TTBK2: variants seen among roughly 807,000 people sequenced by gnomAD.
The protein encoded by TTBK2 is tau-tubulin kinase 2.
In TTBK2, 28 loss-of-function variants were observed where a neutral mutation model predicts 110.8. That is an observed-to-expected ratio of 0.25 (90% confidence interval 0.19 to 0.35). The LOEUF is 0.35. TTBK2 is among the 10% of genes least tolerant of loss of function. The pLI is 1.00. For missense variants in TTBK2, 1,369 were observed against 1,500.3 expected (o/e 0.91, Z 1.45); for synonymous variants, 532 against 527.3 (o/e 1.01, Z -0.12).
intron 3 of TTBK2, among the ~76,000 whole-genome samples, chr15:42,851,931 C>T (rs1418265422): frequency 2.0e-5 from 3 of 151,946 alleles, no homozygotes; most frequent in Admixed American, 6.6e-5. Flanking sequence ...GGTTTATGCA[C>T]GAACTGGATA....
chr15:42,815,913 AATATATATATATTTAAAAAT>A (rs1891934968), intron 7 of TTBK2, among the ~76,000 whole-genome samples: 1 of 100,808 alleles, frequency 9.9e-6, no homozygotes, highest in Non-Finnish European at 1.7e-5. Context: ...TATATTTAAA[AATATATATATATTTAAAAAT>A]ATATATATAT....
intron 1 of TTBK2, among the ~76,000 whole-genome samples, chr15:42,906,334 G>A (rs2030396177): frequency 1.3e-5 from 2 of 152,156 alleles, no homozygotes; most frequent in African/African-American, 4.8e-5. Context: ...TTTGCACGGA[G>A]GCCCAGAATT....
chr15:42,789,383 A>ATGG (rs1468563639), intron 10 of TTBK2, among the ~76,000 whole-genome samples: 2 of 152,054 alleles, frequency 1.3e-5, no homozygotes, highest in Non-Finnish European at 2.9e-5. Context: ...TATTTCACTA[A>ATGG]GCATGTCTTT....
chr15:42,785,344 C>A (rs2140820722), intron 10 of TTBK2, among the ~76,000 whole-genome samples: 1 of 152,262 alleles, frequency 6.6e-6, no homozygotes, highest in South Asian at 2.1e-4. Flanking sequence ...TGGTCTCGAA[C>A]TCCTGGCCCC....
intron 2 of TTBK2, among the ~76,000 whole-genome samples, chr15:42,873,479 C>T (rs1018470568): frequency 6.6e-6 from 1 of 151,956 alleles, no homozygotes; most frequent in African/African-American, 2.4e-5. Context: ...CCAGCCCTCT[C>T]ACCACCACTT....
intron 1 of TTBK2, among the ~76,000 whole-genome samples, chr15:42,890,380 T>C (rs1002190281): frequency 2.0e-5 from 3 of 152,152 alleles, no homozygotes; most frequent in Admixed American, 2.0e-4. Flanking sequence ...GTTGTGAGGG[T>C]AGTGTATCCT....
At chr15:42,765,841 G>A (rs1889340877) in intron 13 of TTBK2, among the ~76,000 whole-genome samples, 1 of 152,128 alleles carries the variant, frequency 6.6e-6, no homozygotes, top group Admixed American at 6.5e-5. Context: ...TTGAAATGAA[G>A]GAAAAAATGT....
intron 1 of TTBK2, among the ~76,000 whole-genome samples, chr15:42,899,423 C>T (rs903937699): frequency 2.6e-5 from 4 of 151,602 alleles, no homozygotes; most frequent in Non-Finnish European, 4.4e-5. Flanking sequence ...TGGTGAAACC[C>T]CATCTCAACT....
At chr15:42,891,800 A>C (rs772584980) in intron 1 of TTBK2, among the ~76,000 whole-genome samples, 1 of 152,206 alleles carries the variant, frequency 6.6e-6, no homozygotes, top group Non-Finnish European at 1.5e-5. Flanking sequence ...GGAAGGCCCA[A>C]ACTTATACTC....
intron 1 of TTBK2, among the ~76,000 whole-genome samples, chr15:42,909,568 C>T (rs901720385): frequency 2.6e-5 from 4 of 152,060 alleles, no homozygotes; most frequent in Admixed American, 2.6e-4. Flanking sequence ...TATTCATGTG[C>T]TGGGGATTAT....
At chr15:42,757,427 T>C (rs1212187115) in intron 13 of TTBK2, among the ~76,000 whole-genome samples, 1 of 152,112 alleles carries the variant, frequency 6.6e-6, no homozygotes, top group Non-Finnish European at 1.5e-5. Context: ...CTATTACTAA[T>C]ACAAATTCAC....
chr15:42,822,911 G>T (rs1379041078), intron 6 of TTBK2, among the ~76,000 whole-genome samples: 2 of 152,174 alleles, frequency 1.3e-5, no homozygotes. Context: ...GAGATGGGAT[G>T]AACTCCTAGG....
intron 3 of TTBK2, among the ~76,000 whole-genome samples, chr15:42,850,356 G>C (rs1372833119): frequency 6.6e-6 from 1 of 152,132 alleles, no homozygotes; most frequent in African/African-American, 2.4e-5. Flanking sequence ...ATTAAGTTCA[G>C]GCTGGGGTAT....
chr15:42,842,289 G>A lies in TTBK2; in HGVS notation c.218-1856C>T, dbSNP rs114243291. Reference sequence around the variant, plus strand: ...AAGATAGGAGGAAACTGAGAGAGCCGTATCACAGAAACCAAGGGAGAAGAA... The same window carrying A: ...AAGATAGGAGGAAACTGAGAGAGCCATATCACAGAAACCAAGGGAGAAGAA... On this transcript the variant is annotated intron_variant, in intron 3 of 14. Transcript: ENST00000267890. Among the ~76,000 whole-genome samples the A allele has an allele frequency of 7.2e-3, 1,098 of 152,206 alleles. 10 individuals carry two copies. Among genetic ancestry groups the A allele is most frequent in the African/African-American group, 0.02 (817 of 41,532 alleles).
In TTBK2 at chr15:42,750,236, T is replaced by C. The variant is rs78037914; in HGVS notation, c.3272+1738A>G. Among the ~76,000 whole-genome samples the C allele has an allele frequency of 3.5e-3, 539 of 152,176 alleles. 17 individuals are homozygous for C. The East Asian group carries it at 0.082, about 23-fold the overall frequency. On this transcript the variant is annotated intron_variant, in intron 14 of 14. Transcript: ENST00000267890. ...CACAGAAACAGGAAAGGATGGTCCA[T>C]TCCAAGGAGAAAAAAATGTATCAAC...
At chr15:42,765,284 G>T (rs1567010369) in intron 13 of TTBK2, among the ~76,000 whole-genome samples, 1 of 152,246 alleles carries the variant, frequency 6.6e-6, no homozygotes, top group Non-Finnish European at 1.5e-5. Flanking sequence ...GTTGACAGAA[G>T]TAGGCTTCAG....
At chr15:42,847,788 T>C (rs1307110402) in intron 3 of TTBK2, among the ~76,000 whole-genome samples, 3 of 152,258 alleles carry the variant, frequency 2.0e-5, no homozygotes, top group African/African-American at 7.2e-5. Flanking sequence ...GTCTATCCCT[T>C]TGCCAATACC....
At chr15:42,816,947 AAAT>A (rs1322022409) in intron 7 of TTBK2, 82 bp downstream of exon 7, 3 of 648,874 alleles carry the variant, frequency 4.6e-6, no homozygotes, top group Non-Finnish European at 4.1e-6. Flanking sequence ...TATATATATA[AAAT>A]AATAATAAAA....
intron 3 of TTBK2, among the ~76,000 whole-genome samples, chr15:42,850,953 C>T (rs957386486): frequency 3.3e-5 from 5 of 151,708 alleles, no homozygotes; most frequent in Admixed American, 6.6e-5. Flanking sequence ...TGGCCAGGCG[C>T]GGTGGCTCAT....
Sources: gnomAD v4.1 joint callset for allele counts (sites outside exome capture counted in the v4.1 genomes callset) on GRCh38, gnomAD v4.1.1 for gene constraint, MANE v1.5 for transcripts, NCBI Gene and HGNC (gene_info 2026-07-23, HGNC 2026-07-21) for gene names.